ANAPC10: variants seen among roughly 807,000 people sequenced by gnomAD.
ANAPC10 encodes anaphase promoting complex subunit 10.
A neutral mutation model predicts 22.0 loss-of-function variants in ANAPC10; 12 were observed. The ratio of observed to expected loss-of-function variants is 0.55; its 90% CI spans 0.35 to 0.88. The LOEUF (loss-of-function observed/expected upper bound fraction) is 0.88, where lower values mean the gene tolerates loss of function less well. Among genes scored for constraint, ANAPC10 ranks in the 40% least tolerant of loss-of-function variants. The pLI, the probability that ANAPC10 is intolerant of heterozygous loss-of-function variation, is 0.01. For missense variants in ANAPC10, 188 were observed against 220.9 expected (o/e 0.85, Z 0.94); for synonymous variants, 65 against 69.5 (o/e 0.94, Z 0.32).
chr4:145,048,879 GA>G (rs1275196425), intron 4 of ANAPC10, among the ~76,000 whole-genome samples: 1 of 152,016 alleles, frequency 6.6e-6, no homozygotes, highest in East Asian at 1.9e-4. Context: ...TTATAAATAG[GA>G]AAATACAACT....
At chr4:145,080,659 A>G (rs1172887501) in intron 3 of ANAPC10, among the ~76,000 whole-genome samples, 2 of 152,234 alleles carry the variant, frequency 1.3e-5, no homozygotes, top group African/African-American at 2.4e-5. Context: ...CTGTAATCCC[A>G]GCACTTTGGG....
At chr4:145,089,351 G>A (rs1455473401) in intron 2 of ANAPC10, among the ~76,000 whole-genome samples, 1 of 152,044 alleles carries the variant, frequency 6.6e-6, no homozygotes, top group East Asian at 1.9e-4. Context: ...CCTGTAAGAT[G>A]TTCACAAAAT....
chr4:145,062,068 G>GAAA (rs796106126), intron 4 of ANAPC10, among the ~76,000 whole-genome samples: 1 of 124,332 alleles, frequency 8.0e-6, no homozygotes, highest in Non-Finnish European at 1.8e-5. Context: ...GTCAAAAAAA[G>GAAA]AAAAAAAAAA....
intron 4 of ANAPC10, among the ~76,000 whole-genome samples, chr4:145,042,962 G>A (rs1037538997): frequency 3.2e-4 from 49 of 151,220 alleles, no homozygotes; most frequent in African/African-American, 1.1e-3. Context: ...CTTTTCAAAC[G>A]ATGTAATTTA....
At chr4:145,042,488 A>G (rs1739654014) in intron 4 of ANAPC10, among the ~76,000 whole-genome samples, 1 of 152,180 alleles carries the variant, frequency 6.6e-6, no homozygotes, top group African/African-American at 2.4e-5. Flanking sequence ...TTCTTCACAT[A>G]TATCTTCAAC....
chr4:145,051,937 T>C (rs979112575), intron 4 of ANAPC10, among the ~76,000 whole-genome samples: 1 of 152,202 alleles, frequency 6.6e-6, no homozygotes, highest in African/African-American at 2.4e-5. Context: ...GTCTGATTAC[T>C]TAGGTTAACT....
intron 4 of ANAPC10, among the ~76,000 whole-genome samples, chr4:145,039,826 C>T (rs546078484): frequency 6.6e-6 from 1 of 152,098 alleles, no homozygotes; most frequent in Non-Finnish European, 1.5e-5. Context: ...GATCTCTTGA[C>T]CTTGTGATCT....
chr4:144,997,043 G>A (rs1201139072), intron 4 of ANAPC10, among the ~76,000 whole-genome samples: 2 of 152,086 alleles, frequency 1.3e-5, no homozygotes, highest in Non-Finnish European at 2.9e-5. Flanking sequence ...AGAGAAAAAA[G>A]AGTAAAAAGA....
intron 3 of ANAPC10, among the ~76,000 whole-genome samples, chr4:145,075,032 C>CCTA (rs1278374295): frequency 6.6e-6 from 1 of 152,038 alleles, no homozygotes; most frequent in Non-Finnish European, 1.5e-5. Context: ...CCCTATTCTG[C>CCTA]CTACTCCCTT....
chr4:145,085,467 G>C (rs1746736351), intron 2 of ANAPC10, among the ~76,000 whole-genome samples: 2 of 150,584 alleles, frequency 1.3e-5, no homozygotes, highest in South Asian at 4.2e-4. Context: ...CCTCAGCTAG[G>C]TTTTTTTTCT....
chr4:145,095,484 AATC>A (rs983145075), intron 2 of ANAPC10, among the ~76,000 whole-genome samples: 2 of 152,148 alleles, frequency 1.3e-5, no homozygotes, highest in African/African-American at 4.8e-5. Flanking sequence ...CCTGATATCC[AATC>A]ATCAACATCA....
At chr4:145,048,934 G>T (rs1407694017) in intron 4 of ANAPC10, among the ~76,000 whole-genome samples, 1 of 152,104 alleles carries the variant, frequency 6.6e-6, no homozygotes, top group Non-Finnish European at 1.5e-5. Flanking sequence ...TCTAAAATAA[G>T]TACAGGCATA....
intron 4 of ANAPC10, among the ~76,000 whole-genome samples, chr4:145,026,467 T>G (rs956343948): frequency 5.3e-5 from 8 of 151,794 alleles, no homozygotes; most frequent in African/African-American, 2.4e-5. Flanking sequence ...GGGGCAGATG[T>G]GTACAGCTTT....
At chr4:145,005,709 C>A (rs1314492007) in intron 4 of ANAPC10, among the ~76,000 whole-genome samples, 5 of 152,204 alleles carry the variant, frequency 3.3e-5, no homozygotes, top group Non-Finnish European at 7.4e-5. Context: ...GCCTTAATTT[C>A]ATGTGTACCC....
intron 4 of ANAPC10, among the ~76,000 whole-genome samples, chr4:145,002,387 C>A (rs1732707665): frequency 6.6e-6 from 1 of 151,930 alleles, no homozygotes; most frequent in Non-Finnish European, 1.5e-5. Context: ...AAGAAGGCGA[C>A]CACCTAAGAA....
intron 4 of ANAPC10, among the ~76,000 whole-genome samples, chr4:145,045,010 A>ACTTTTGCT (rs1740087550): frequency 2.0e-5 from 3 of 152,012 alleles, no homozygotes; most frequent in Admixed American, 2.0e-4. Context: ...TATTATGCCT[A>ACTTTTGCT]CTTTTGCTTA....
rs1460907948 is a variant in ANAPC10 at position 145,034,573 on chromosome 4, G to GTA, written c.327+29998_327+29999insTA. 4.7e-3 allele frequency among the ~76,000 whole-genome samples: 655 copies of GTA among 140,190 alleles called. 8 individuals carry two copies. Among genetic ancestry groups the GTA allele is most frequent in the African/African-American group, 0.017 (591 of 35,664 alleles). 92.0% of individuals were successfully genotyped at this position (140,190 alleles called of 152,430 possible). On this transcript the variant is annotated intron_variant, in intron 4 of 4. Coordinates refer to ENST00000507656, the MANE Select transcript of ANAPC10 (RefSeq NM_001256706.2). ...TGTGTGTGTGTGTGTGTGTGTGTGT[G>GTA]TGTATATATCCCACATACATATCCT...
intron 4 of ANAPC10, among the ~76,000 whole-genome samples, chr4:145,025,341 C>T (rs906359384): frequency 6.7e-6 from 1 of 150,300 alleles, no homozygotes; most frequent in Non-Finnish European, 1.5e-5. Flanking sequence ...CGCCCCCCCC[C>T]CCTTTTAAGC....
intron 4 of ANAPC10, among the ~76,000 whole-genome samples, chr4:145,013,485 GATTTTAA>G (rs1734664184): frequency 6.6e-6 from 1 of 152,010 alleles, no homozygotes; most frequent in South Asian, 2.1e-4. Context: ...ACTCATTTAT[GATTTTAA>G]AACTCTTAGC....
Sources: allele counts gnomAD v4.1 joint callset (sites outside exome capture counted in the v4.1 genomes callset), GRCh38; gene constraint gnomAD v4.1.1; transcripts MANE v1.5; gene names NCBI Gene and HGNC (gene_info 2026-07-23, HGNC 2026-07-21).